GPHN: variants seen among roughly 807,000 people sequenced by gnomAD.
GPHN encodes the protein gephyrin.
In GPHN, 17 loss-of-function variants were observed where a neutral mutation model predicts 95.5. That is an observed-to-expected ratio of 0.18 (90% CI 0.12 to 0.27). GPHN has a LOEUF of 0.27. Among genes scored for constraint, GPHN ranks in the 10% least tolerant of loss-of-function variants. The pLI, the probability that GPHN is intolerant of heterozygous loss-of-function variation, is 1.00. For missense variants in GPHN, 660 were observed against 978.1 expected, an observed-to-expected ratio of 0.67 and a Z score of 4.34; for synonymous variants, 320 against 322.5, an observed-to-expected ratio of 0.99 and a Z score of 0.08.
intron 8 of GPHN, among the ~76,000 whole-genome samples, chr14:66,925,419 T>A (rs2066435592): frequency 6.6e-6 from 1 of 152,094 alleles, no homozygotes; most frequent in South Asian, 2.1e-4. Context: ...TATTTCCCAC[T>A]CCCCCTACCC....
chr14:67,312,876 A>G, the GPHN span, among the ~76,000 whole-genome samples: 2 of 152,200 alleles, frequency 1.3e-5, no homozygotes, highest in African/African-American at 4.8e-5. Flanking sequence ...AGTATATTAA[A>G]TAGAATGTGG....
At chr14:67,683,677 G>C in the GPHN span, among the ~76,000 whole-genome samples, 1 of 152,200 alleles carries the variant, frequency 6.6e-6, no homozygotes, top group Non-Finnish European at 1.5e-5. Context: ...TGGATGATAA[G>C]CAATACAACC....
intron 4 of GPHN, among the ~76,000 whole-genome samples, chr14:66,827,729 G>A (rs2061434668): frequency 6.6e-6 from 1 of 152,004 alleles, no homozygotes; most frequent in South Asian, 2.1e-4. Context: ...TTAGAATCTT[G>A]TTAAATTATT....
chr14:66,689,845 T>A (rs2067658530), intron 2 of GPHN, among the ~76,000 whole-genome samples: 2 of 152,034 alleles, frequency 1.3e-5, no homozygotes, highest in African/African-American at 4.8e-5. Flanking sequence ...CTTTAATGAT[T>A]TTTATTTATG....
At chr14:67,187,791 G>C in the GPHN span, among the ~76,000 whole-genome samples, 3 of 152,126 alleles carry the variant, frequency 2.0e-5, no homozygotes, top group African/African-American at 7.2e-5. Flanking sequence ...TCAGGATTTA[G>C]CTTGGATATT....
rs554460971 is a variant in GPHN, at chr14:66,996,164, A to G, written c.964-27469A>G. ...TCTTTAACAGTGTTTTCTTTTCCCCACTGCAAAACCAGGCTCGGCTTCCCT... is the reference window on the plus strand; with the variant it reads ...TCTTTAACAGTGTTTTCTTTTCCCCGCTGCAAAACCAGGCTCGGCTTCCCT... On this transcript the variant is annotated intron_variant, in intron 9 of 22. Coordinates refer to ENST00000478722, the MANE Select transcript of GPHN (RefSeq NM_020806.5). The G allele has an allele frequency of 6.3e-5, 97 of 1,528,104 alleles. 1 individual carries two copies. The African/African-American group carries it at 1.2e-3, about 19-fold the overall frequency. The allele number at this position is 1,528,104 out of a possible 1,614,324, so 94.7% of individuals were successfully genotyped here. A position where few individuals can be genotyped will look rare whatever the true frequency, so the allele number is the denominator to read the frequency against.
At chr14:67,254,536 C>T in the GPHN span, among the ~76,000 whole-genome samples, 3 of 152,112 alleles carry the variant, frequency 2.0e-5, no homozygotes, top group African/African-American at 7.2e-5. Flanking sequence ...TCTCATTAGC[C>T]TTCCTTTCTT....
the GPHN span, among the ~76,000 whole-genome samples, chr14:67,284,438 A>AAAAAAC: frequency 3.4e-5 from 5 of 145,720 alleles, no homozygotes; most frequent in Non-Finnish European, 6.1e-5. Flanking sequence ...TTAAAAAAAA[A>AAAAAAC]AAAAAACAGC....
At chr14:67,574,344 G>A in the GPHN span, 147,263 of 1,597,036 alleles carry the variant, frequency 0.092, 7,287 homozygotes, top group Admixed American at 0.18. The surrounding 1 kb of genome is among the most constrained non-coding windows in gnomAD (Gnocchi z 4.2). Flanking sequence ...GCAGGCCACC[G>A]GGCCTCCAGC....
chr14:66,839,877 T>C (rs979476865), intron 4 of GPHN, among the ~76,000 whole-genome samples: 3 of 152,302 alleles, frequency 2.0e-5, no homozygotes, highest in African/African-American at 7.2e-5. Flanking sequence ...CTTACTGGTA[T>C]TGTACTTTGT....
chr14:67,211,829 G>A, the GPHN span, among the ~76,000 whole-genome samples: 1 of 152,070 alleles, frequency 6.6e-6, no homozygotes, highest in South Asian at 2.1e-4. Flanking sequence ...GGGTGATGGA[G>A]CAAGACACTG....
At chr14:66,602,424 A>C (rs1311544256) in intron 1 of GPHN, among the ~76,000 whole-genome samples, 1 of 151,974 alleles carries the variant, frequency 6.6e-6, no homozygotes, top group East Asian at 1.9e-4. Context: ...TAACTTTCTC[A>C]AGAATATATT....
At chr14:67,195,547 G>A in the GPHN span, among the ~76,000 whole-genome samples, 1 of 152,242 alleles carries the variant, frequency 6.6e-6, no homozygotes, top group Non-Finnish European at 1.5e-5. Flanking sequence ...AGAGTGAATT[G>A]TTTTTCCAAA....
intron 1 of GPHN, among the ~76,000 whole-genome samples, chr14:66,552,955 GC>G (rs1409205739): frequency 6.6e-6 from 1 of 150,506 alleles, no homozygotes; most frequent in African/African-American, 2.4e-5. Context: ...TTTGGGATTG[GC>G]TAAACTTCTT....
chr14:66,889,064 A>G (rs1268810466), intron 5 of GPHN, among the ~76,000 whole-genome samples: 1 of 152,174 alleles, frequency 6.6e-6, no homozygotes, highest in African/African-American at 2.4e-5. Context: ...ATAAACATTT[A>G]TGCACTTAAT....
chr14:67,306,301 G>A, the GPHN span, among the ~76,000 whole-genome samples: 1 of 151,656 alleles, frequency 6.6e-6, no homozygotes, highest in Non-Finnish European at 1.5e-5. Flanking sequence ...GATCTTTTCA[G>A]AATAGAGTGA....
intron 3 of GPHN, 122 bp downstream of exon 3, chr14:66,776,643 T>A: frequency 1.4e-6 from 1 of 733,234 alleles, no homozygotes; most frequent in Non-Finnish European, 2.5e-6. Flanking sequence ...AATTCTCAGT[T>A]ATCATAGTGA....
chr14:66,557,924 T>G (rs184771493), intron 1 of GPHN, among the ~76,000 whole-genome samples: 1 of 152,308 alleles, frequency 6.6e-6, no homozygotes, highest in East Asian at 1.9e-4. Flanking sequence ...TTCTCATTTT[T>G]GTTTGAGAAT....
At chr14:67,577,407 T>C in the GPHN span, 1 of 1,576,936 alleles carries the variant, frequency 6.3e-7, no homozygotes, top group Non-Finnish European at 8.6e-7. Flanking sequence ...GCCCTCAAGC[T>C]CTTCAAGGTA....
Sources: allele counts gnomAD v4.1 joint callset (sites outside exome capture counted in the v4.1 genomes callset), GRCh38; gene constraint gnomAD v4.1.1; non-coding constraint Gnocchi (gnomAD v3.1); transcripts MANE v1.5; gene names NCBI Gene and HGNC (gene_info 2026-07-23, HGNC 2026-07-21).